The following DTWD2 variants were observed in gnomAD, a reference collection of about 807,000 sequenced individuals.
DTWD2 encodes DTW motif tRNA-uridine aminocarboxypropyltransferase 2.
Under a neutral mutation model 31.8 loss-of-function variants are expected in DTWD2, and 39 were observed. That is an observed-to-expected ratio of 1.22 (90% CI 0.95 to 1.60). The LOEUF is 1.60. DTWD2 is among the 40% of genes most tolerant of loss of function. The probability of loss-of-function intolerance (pLI) is 0.00; values close to 1 mark genes in which losing one functional copy is unlikely to be tolerated. For missense variants in DTWD2, 515 were observed against 381.5 expected (o/e 1.35, Z -2.92); for synonymous variants, 180 against 142.8 (o/e 1.26, Z -1.86).
chr5:118,927,318 T>C (rs1753830335), intron 4 of DTWD2, among the ~76,000 whole-genome samples: 6 of 151,708 alleles, frequency 4.0e-5, no homozygotes, highest in Admixed American at 3.9e-4. Context: ...AAAAATCTTA[T>C]AAAATCAGAA....
chr5:118,965,803 A>G (rs921448093), intron 1 of DTWD2, among the ~76,000 whole-genome samples: 8 of 152,184 alleles, frequency 5.3e-5, no homozygotes, highest in Non-Finnish European at 8.8e-5. Flanking sequence ...ACATTGCGGA[A>G]GGCCCCAGGG....
chr5:118,898,116 T>C (rs1753121713), intron 4 of DTWD2, among the ~76,000 whole-genome samples: 1 of 151,864 alleles, frequency 6.6e-6, no homozygotes. Flanking sequence ...CCACCTGCCT[T>C]GACCTCCCAA....
intron 4 of DTWD2, among the ~76,000 whole-genome samples, chr5:118,913,449 A>G (rs1016600512): frequency 2.8e-4 from 41 of 145,626 alleles, no homozygotes; most frequent in African/African-American, 9.6e-4. Flanking sequence ...ACACACACAC[A>G]CGTGTGTGTG....
chr5:118,867,225 T>C (rs1247381748), intron 4 of DTWD2, among the ~76,000 whole-genome samples: 1 of 152,090 alleles, frequency 6.6e-6, no homozygotes, highest in Non-Finnish European at 1.5e-5. Flanking sequence ...AGGCAGAATA[T>C]ATAATATCTT....
intron 3 of DTWD2, among the ~76,000 whole-genome samples, chr5:118,933,641 G>A (rs1753973438): frequency 6.6e-6 from 1 of 152,208 alleles, no homozygotes; most frequent in South Asian, 2.1e-4. Context: ...AGGAATAGGG[G>A]AGAATGTCCT....
At chr5:118,940,274 G>A (rs1191871933) in intron 2 of DTWD2, among the ~76,000 whole-genome samples, 4 of 152,156 alleles carry the variant, frequency 2.6e-5, no homozygotes, top group Non-Finnish European at 5.9e-5. Flanking sequence ...CTCCGCCTTA[G>A]GTGGTTTTAG....
chr5:118,889,230 C>T (rs1164402886), intron 4 of DTWD2, among the ~76,000 whole-genome samples: 1 of 152,064 alleles, frequency 6.6e-6, no homozygotes, highest in Non-Finnish European at 1.5e-5. Context: ...CTGCAAATAA[C>T]AAGCCAAGAA....
chr5:118,857,706 T>G (rs947711867), intron 4 of DTWD2, among the ~76,000 whole-genome samples: 1 of 152,172 alleles, frequency 6.6e-6, no homozygotes, highest in African/African-American at 2.4e-5. Context: ...CAAAGTCACC[T>G]AAAAGAAAAG....
rs1357655664 is a variant in DTWD2 at position 118,837,418 on chromosome 5, G to C, written c.*3499C>G. ...AAATACAGTTTTGTAAAACTTTTGA[G>C]TTTACTAAGTCAGATCTAATTTTTT... On this transcript the variant is annotated 3_prime_UTR_variant, in exon 6 of 6. Coordinates refer to ENST00000510708, the MANE Select transcript of DTWD2 (RefSeq NM_173666.4). The C allele has an allele frequency of 2.0e-5, 3 of 152,018 alleles. No individual in the cohort carries two copies. Among genetic ancestry groups the C allele is most frequent in the African/African-American group, 7.3e-5 (3 of 41,370 alleles). The allele number at this position is 152,018 out of a possible 1,614,324, so 9.4% of individuals were successfully genotyped here. A position where few individuals can be genotyped will look rare whatever the true frequency, so the allele number is the denominator to read the frequency against.
chr5:118,883,493 C>A (rs1243956461), intron 4 of DTWD2, among the ~76,000 whole-genome samples: 2 of 152,174 alleles, frequency 1.3e-5, no homozygotes, highest in African/African-American at 4.8e-5. Flanking sequence ...TCCATTTTCA[C>A]ATTGCTATAA....
At chr5:118,932,339 A>C (rs891267959) in intron 3 of DTWD2, among the ~76,000 whole-genome samples, 6 of 151,762 alleles carry the variant, frequency 4.0e-5, no homozygotes, top group Non-Finnish European at 5.9e-5. Context: ...AAAAAAAAAA[A>C]AGCTAGAGAA....
intron 1 of DTWD2, among the ~76,000 whole-genome samples, chr5:118,967,131 G>T (rs1754870482): frequency 6.6e-6 from 1 of 151,858 alleles, no homozygotes; most frequent in Admixed American, 6.6e-5. Flanking sequence ...GTAGATTAGG[G>T]TTGAACAAAT....
chr5:118,853,753 A>C (rs1752067146), intron 4 of DTWD2, among the ~76,000 whole-genome samples: 1 of 152,176 alleles, frequency 6.6e-6, no homozygotes, highest in Non-Finnish European at 1.5e-5. Flanking sequence ...GAGGGCAAGG[A>C]TTGAAAAACT....
chr5:118,858,700 T>C (rs1487367605), intron 4 of DTWD2, among the ~76,000 whole-genome samples: 1 of 152,208 alleles, frequency 6.6e-6, no homozygotes, highest in African/African-American at 2.4e-5. Flanking sequence ...TTTATTCCTA[T>C]AAGCTTCTGT....
At chr5:118,844,748 G>A (rs1751807564) in intron 5 of DTWD2, among the ~76,000 whole-genome samples, 1 of 152,190 alleles carries the variant, frequency 6.6e-6, no homozygotes, top group Non-Finnish European at 1.5e-5. Flanking sequence ...AGAATAAAGA[G>A]TGAGGATGAG....
intron 4 of DTWD2, among the ~76,000 whole-genome samples, chr5:118,913,296 C>G (rs1293026763): frequency 2.0e-5 from 3 of 151,624 alleles, no homozygotes; most frequent in Non-Finnish European, 2.9e-5. Flanking sequence ...GCCAGCAGAT[C>G]GCCTTTGGAC....
chr5:118,901,306 A>T (rs1450927474), intron 4 of DTWD2, among the ~76,000 whole-genome samples: 1 of 152,194 alleles, frequency 6.6e-6, no homozygotes, highest in Non-Finnish European at 1.5e-5. Context: ...ATTGCACAGT[A>T]AGTATTCCTG....
At chr5:118,916,322 TAA>T (rs1561454186) in intron 4 of DTWD2, among the ~76,000 whole-genome samples, 1 of 152,196 alleles carries the variant, frequency 6.6e-6, no homozygotes, top group African/African-American at 2.4e-5. Flanking sequence ...TTAGTGGCAG[TAA>T]ATAAAAGAGA....
At chr5:118,907,006 T>C (rs943401490) in intron 4 of DTWD2, among the ~76,000 whole-genome samples, 10 of 152,056 alleles carry the variant, frequency 6.6e-5, no homozygotes, top group Non-Finnish European at 1.3e-4. Context: ...GCAAAGAAAA[T>C]GAGACTGGGA....
Sources: gnomAD v4.1 joint callset for allele counts (sites outside exome capture counted in the v4.1 genomes callset) on GRCh38, gnomAD v4.1.1 for gene constraint, MANE v1.5 for transcripts, NCBI Gene and HGNC (gene_info 2026-07-23, HGNC 2026-07-21) for gene names.